MED13L: variants seen among roughly 807,000 people sequenced by gnomAD.
The protein encoded by MED13L is mediator of RNA polymerase II transcription subunit 13-like.
A neutral mutation model predicts 220.9 loss-of-function variants in MED13L; 7 were observed. The observed-to-expected ratio is 0.03, with a 90% CI of 0.02 to 0.06. The LOEUF (loss-of-function observed/expected upper bound fraction) is 0.06, where lower values mean the gene tolerates loss of function less well. MED13L is among the 10% of genes least tolerant of loss of function. The pLI is 1.00. For synonymous variants in MED13L, 1,011 were observed against 1,015.2 expected (o/e 1.00, Z 0.08); for missense variants, 1,965 against 2,760.5 (o/e 0.71, Z 6.46).
Position 115,991,050 on chromosome 12 carries a change from C to T in MED13L, c.3904G>A (p.Ala1302Thr). ...GKVDEALVRSATVHSWPHSNV... is the reference protein window; with the variant it reads ...GKVDEALVRSTTVHSWPHSNV... ...CTGTGAGGCCAAGAGTGCACAGTGG[C>T]ACTTCTCACCAGAGCTTCGTCCACT... Residue 1302 changes from alanine to threonine, a missense_variant, in exon 17 of 31, where the codon GCC becomes ACC. Physicochemically the swap from Ala to Thr is moderately conservative, Grantham distance 58. Around this residue, in one of 10 missense-constraint regions of MED13L, gnomAD observed 165 missense variants for 190.8 expected, o/e 0.86. Transcript: ENST00000281928. This position sits in a 1 kb window ranked among gnomAD's most constrained non-coding sequence, Gnocchi z 7.7. 1.2e-6 allele frequency: 2 copies of T among 1,614,100 alleles called. No homozygotes were observed. Among genetic ancestry groups the T allele is most frequent in the Non-Finnish European group, 1.7e-6 (2 of 1,180,010 alleles).
intron 4 of MED13L, among the ~76,000 whole-genome samples, chr12:116,055,873 C>T (rs763330700): frequency 4.0e-5 from 6 of 150,860 alleles, no homozygotes; most frequent in African/African-American, 1.2e-4. Flanking sequence ...CCAGCCTGGG[C>T]GACAGTGAGA....
rs1879029106 is a variant in MED13L, at chr12:116,006,090, T to G, written c.2345-97A>C. ...GATCTCAATGAACATGACCTGCCTGTGAGTTTTTCCCTATGGTTTTAGTTA... is the reference window on the plus strand; with the variant it reads ...GATCTCAATGAACATGACCTGCCTGGGAGTTTTTCCCTATGGTTTTAGTTA... On this transcript the variant is annotated intron_variant, in intron 12 of 30. Transcript: ENST00000281928. 22 of 1,530,096 alleles carry G rather than the reference T, an allele frequency of 1.4e-5. 1 individual carries two copies. The Middle Eastern group carries it at 8.1e-4, about 57-fold the overall frequency. The allele number at this position is 1,530,096 out of a possible 1,614,324, so 94.8% of individuals were successfully genotyped here.
intron 2 of MED13L, among the ~76,000 whole-genome samples, chr12:116,144,374 T>C (rs999334908): frequency 2.6e-5 from 4 of 152,198 alleles, no homozygotes; most frequent in South Asian, 2.1e-4. Context: ...TCGACCCTGA[T>C]AGTGAACTGA....
intron 1 of MED13L, among the ~76,000 whole-genome samples, chr12:116,272,363 G>C (rs1467218802): frequency 6.6e-6 from 1 of 152,008 alleles, no homozygotes; most frequent in African/African-American, 2.4e-5. Context: ...GAGTTCCAGA[G>C]CAGCCTGACC....
At chr12:116,080,072 T>C (rs756856904) in intron 4 of MED13L, among the ~76,000 whole-genome samples, 4 of 152,010 alleles carry the variant, frequency 2.6e-5, no homozygotes, top group Admixed American at 1.3e-4. Flanking sequence ...GTATATTTCA[T>C]GTATGGCCCA....
At chr12:116,125,799 T>A (rs1446798437) in intron 2 of MED13L, among the ~76,000 whole-genome samples, 2 of 152,220 alleles carry the variant, frequency 1.3e-5, no homozygotes, top group African/African-American at 4.8e-5. Flanking sequence ...CACCACACAT[T>A]AAAAATTTTT....
At chr12:116,225,951 G>A (rs1868940565) in intron 2 of MED13L, among the ~76,000 whole-genome samples, 2 of 151,960 alleles carry the variant, frequency 1.3e-5, no homozygotes, top group Admixed American at 6.6e-5. Flanking sequence ...ATATAAATAT[G>A]AGGAAAAGAC....
chr12:116,006,236 A>G (rs1184163867), intron 12 of MED13L, 70 bp downstream of exon 12: 1 of 1,405,254 alleles, frequency 7.1e-7, no homozygotes, highest in African/African-American at 1.4e-5. Flanking sequence ...AAAATTTTAC[A>G]TTGAGAAGCA....
At chr12:116,035,789 C>T (rs2137520290) in intron 4 of MED13L, among the ~76,000 whole-genome samples, 1 of 152,082 alleles carries the variant, frequency 6.6e-6, no homozygotes, top group South Asian at 2.1e-4. Flanking sequence ...CGGGGTTTTG[C>T]TACGTTGCCC....
At chr12:116,070,133 T>G (rs560010324) in intron 4 of MED13L, among the ~76,000 whole-genome samples, 2 of 152,176 alleles carry the variant, frequency 1.3e-5, no homozygotes, top group South Asian at 4.1e-4. Context: ...ATAGATAAAG[T>G]AGCTGCCAGG....
intron 3 of MED13L, among the ~76,000 whole-genome samples, chr12:116,106,771 G>A (rs908263514): frequency 7.3e-5 from 11 of 151,076 alleles, no homozygotes; most frequent in African/African-American, 2.0e-4. Flanking sequence ...GCTTGAAACC[G>A]AGAGGCAGAG....
chr12:116,045,879 T>C (rs1331133196), intron 4 of MED13L, among the ~76,000 whole-genome samples: 1 of 151,678 alleles, frequency 6.6e-6, no homozygotes, highest in African/African-American at 2.4e-5. Context: ...TTTAGGTAGA[T>C]AAATATATAT....
chr12:116,013,944 G>C (rs1201257994), intron 8 of MED13L, among the ~76,000 whole-genome samples: 2 of 152,062 alleles, frequency 1.3e-5, no homozygotes, highest in African/African-American at 2.4e-5. Context: ...AATCAAACAT[G>C]ATAAGTGAAA....
At chr12:116,052,802 G>A (rs2137592654) in intron 4 of MED13L, among the ~76,000 whole-genome samples, 1 of 152,300 alleles carries the variant, frequency 6.6e-6, no homozygotes, top group Admixed American at 6.5e-5. Context: ...GTGCCTAGAA[G>A]ATGCTAACCA....
chr12:116,094,287 T>C (rs1247933259), intron 4 of MED13L, among the ~76,000 whole-genome samples: 3 of 152,366 alleles, frequency 2.0e-5, no homozygotes, highest in South Asian at 4.1e-4. Context: ...GTTAAGCTTT[T>C]CTGAAATACT....
intron 30 of MED13L, chr12:115,961,646 G>T (rs763394238): frequency 4.0e-4 from 218 of 539,878 alleles, no homozygotes; most frequent in Non-Finnish European, 6.3e-4. Context: ...GAACTTGCGT[G>T]GACTGCAGGT....
intron 1 of MED13L, among the ~76,000 whole-genome samples, chr12:116,275,832 T>C (rs1194723338): frequency 6.6e-6 from 1 of 152,380 alleles, no homozygotes; most frequent in African/African-American, 2.4e-5. Context: ...TTTCCAATTA[T>C]ATTCTACGCT....
At chr12:116,255,372 C>A (rs1400583049) in intron 1 of MED13L, among the ~76,000 whole-genome samples, 4 of 152,182 alleles carry the variant, frequency 2.6e-5, no homozygotes, top group Non-Finnish European at 4.4e-5. Flanking sequence ...TGTAAATTAA[C>A]TTAAAATAAG....
intron 1 of MED13L, among the ~76,000 whole-genome samples, chr12:116,271,064 A>AAAAAAAG (rs1318089075): frequency 6.6e-6 from 1 of 150,390 alleles, no homozygotes; most frequent in African/African-American, 2.4e-5. Flanking sequence ...AAAAAAAAAA[A>AAAAAAAG]AAAGAAAGAA....
Sources: gnomAD v4.1 joint callset for allele counts (sites outside exome capture counted in the v4.1 genomes callset) on GRCh38, gnomAD v4.1.1 for gene constraint, gnomAD v4.1.1 regional missense constraint, Gnocchi (gnomAD v3.1) non-coding constraint, MANE v1.5 for transcripts, NCBI Gene and HGNC (gene_info 2026-07-23, HGNC 2026-07-21) for gene names.